The following TNRC18 variants were observed in gnomAD, a reference collection of about 807,000 sequenced individuals.
TNRC18 encodes trinucleotide repeat containing 18.
A neutral mutation model predicts 226.7 loss-of-function variants in TNRC18; 69 were observed. The ratio of observed to expected loss-of-function variants is 0.30; its 90% CI spans 0.25 to 0.37. TNRC18 has a LOEUF of 0.37. Ranked by LOEUF, TNRC18 falls within the 10% of genes least tolerant of loss-of-function variation. The pLI, the probability that TNRC18 is intolerant of heterozygous loss-of-function variation, is 1.00. For missense variants in TNRC18, 4,754 were observed against 4,256.6 expected (o/e 1.12, Z -3.25); for synonymous variants, 2,449 against 1,927.6 (o/e 1.27, Z -7.09).
intron 11 of TNRC18, 25 bp from the exon 12 acceptor site, chr7:5,362,850 G>A (rs1297698298): frequency 1.0e-5 from 15 of 1,479,832 alleles, no homozygotes; most frequent in African/African-American, 1.4e-5. Context: ...TAGGTAACAG[G>A]GCGCTGCTGC....
chr7:5,318,980 A>G lies in TNRC18; in HGVS notation c.6745+1338T>C, dbSNP rs1331309256. ...ACAAGGAACTGAACCAAAAAAGAGA[A>G]AAACATGCAACGCAACAAAAGCGGT... On this transcript the variant is annotated intron_variant, in intron 24 of 29. Coordinates refer to ENST00000430969, the MANE Select transcript of TNRC18 (RefSeq NM_001080495.3). 3.7e-4 allele frequency among the ~76,000 whole-genome samples: 56 copies of G among 152,226 alleles called. 1 individual carries two copies. Among genetic ancestry groups the G allele is most frequent in the Non-Finnish European group, 2.9e-5 (2 of 68,048 alleles).
intron 11 of TNRC18, among the ~76,000 whole-genome samples, chr7:5,370,131 C>A (rs1022292546): frequency 2.0e-5 from 3 of 151,936 alleles, no homozygotes; most frequent in Non-Finnish European, 4.4e-5. Flanking sequence ...GACTGGGCAA[C>A]AGAGCAAGAC....
At position 5,362,704 on chromosome 7, in the gene TNRC18, C is replaced by A. The variant is rs372961432; in HGVS notation, c.4341G>T (p.Pro1447=). 1.1e-5 allele frequency: 18 copies of A among 1,583,124 alleles called. No individual in the cohort carries two copies. The highest frequency in any genetic ancestry group is 1.8e-5 in the Admixed American group (1 of 55,238). Residue 1447 remains proline (P), a synonymous_variant, in exon 12 of 30, where the codon CCG becomes CCT. Coordinates refer to ENST00000430969, the MANE Select transcript of TNRC18 (RefSeq NM_001080495.3). ...ACTTCTTGTTGGGCTTCAGCTCCCG[C>A]GGGAGCCGCAGGTTCTTGAGTGGGT... ...VVDPLKNLRL[P]RELKPNKKYS...
At chr7:5,408,385 C>T (rs749507533) in intron 2 of TNRC18, among the ~76,000 whole-genome samples, 1 of 151,792 alleles carries the variant, frequency 6.6e-6, no homozygotes, top group Non-Finnish European at 1.5e-5. Context: ...GCATAGCTCA[C>T]GCCTGTAATC....
intron 2 of TNRC18, among the ~76,000 whole-genome samples, chr7:5,399,041 C>A (rs994350369): frequency 3.3e-5 from 5 of 152,204 alleles, no homozygotes; most frequent in African/African-American, 1.2e-4. Context: ...CCCGAAGAAG[C>A]ACAGCCCATG....
intron 8 of TNRC18, 102 bp from the exon 9 acceptor site, chr7:5,376,326 G>T: frequency 3.7e-6 from 4 of 1,079,426 alleles, no homozygotes; most frequent in East Asian, 5.7e-5. Flanking sequence ...CACCCACACA[G>T]TGGGGAGCTG....
At chr7:5,334,461 A>T (rs1296126526) in intron 18 of TNRC18, among the ~76,000 whole-genome samples, 54 of 140,234 alleles carry the variant, frequency 3.9e-4, no homozygotes, top group Non-Finnish European at 1.1e-4. Context: ...CACGCCTGGC[A>T]TTTTTTTTTT....
Position 5,370,520 on chromosome 7 carries a change from G to A in TNRC18, c.4074C>T (p.Pro1358=), listed in dbSNP as rs1042807351. The A allele has an allele frequency of 6.2e-6, 10 of 1,600,878 alleles. No homozygotes were observed. The highest frequency in any genetic ancestry group is 1.7e-5 in the Admixed American group (1 of 57,702). Residue 1358 remains proline (P), a synonymous_variant, in exon 11 of 30, where the codon CCC becomes CCT. Transcript: ENST00000430969. ...AAELPQARPL[P]SPGAAGAQAL... is the part of the protein sequence containing the mutation. ...CCTGGGCTCCAGCAGCACCCGGGGA[G>A]GGCAGAGGCCTGGCCTGGGGCAGCT... is the stretch of plus-strand genomic sequence containing the variant.
chr7:5,311,249 G>A (rs1380105397), intron 27 of TNRC18, among the ~76,000 whole-genome samples: 1 of 152,270 alleles, frequency 6.6e-6, no homozygotes, highest in Non-Finnish European at 1.5e-5. Context: ...GCAAGTGTGT[G>A]TGCGTGTGTG....
At chr7:5,325,768 G>A (rs1168554663) in intron 19 of TNRC18, among the ~76,000 whole-genome samples, 6 of 113,806 alleles carry the variant, frequency 5.3e-5, no homozygotes, top group Non-Finnish European at 8.2e-5. Flanking sequence ...ACAAGGTCTC[G>A]CTCTGTTGCC....
intron 21 of TNRC18, 138 bp from the exon 22 acceptor site, chr7:5,321,328 ACTT>A (rs1464411547): frequency 4.9e-6 from 3 of 610,892 alleles, no homozygotes; most frequent in Non-Finnish European, 8.8e-6. Flanking sequence ...AGACGTGTGC[ACTT>A]CTTCGTCTGC....
Position 5,351,894 on chromosome 7 carries a change from G to T in TNRC18, c.5395C>A (p.Pro1799Thr). 5.0e-6 allele frequency: 8 copies of T among 1,613,568 alleles called. No individual in the cohort carries two copies. Among genetic ancestry groups the T allele is most frequent in the Non-Finnish European group, 6.8e-6 (8 of 1,179,764 alleles). ...GCCTCTCGAAGCAGCAGACAAAACG[G>T]CTGCTTCCTGCTGGTGGCCGGCTTG... ...KPKPATSRKQ[P>T]FCLLLREAEA... Residue 1799 changes from proline to threonine, a missense_variant, in exon 17 of 30, where the codon CCG (proline) becomes ACG (threonine). By Grantham distance (38) the Pro-to-Thr change is conservative. Transcript: ENST00000430969.
chr7:5,371,429 C>T, intron 10 of TNRC18, 65 bp from the exon 11 acceptor site: 1 of 1,437,454 alleles, frequency 7.0e-7, no homozygotes, highest in East Asian at 2.4e-5. Flanking sequence ...CCCACTGACA[C>T]CCGCCCACCA....
chr7:5,312,581 C>G lies in TNRC18; in HGVS notation c.8310G>C (p.Pro2770=), dbSNP rs371939156. The G allele has an allele frequency of 1.2e-6, 2 of 1,611,070 alleles. No homozygotes were observed. Among genetic ancestry groups the G allele is most frequent in the South Asian group, 2.2e-5 (2 of 90,974 alleles). Residue 2770 remains proline, a synonymous_variant, in exon 27 of 30, where the codon CCG becomes CCC. Transcript: ENST00000430969. The surrounding 1 kb of genome is among the most constrained non-coding windows in gnomAD (Gnocchi z 6.3). Reference sequence around the variant, plus strand: ...CGATCTTGGGCCGGTTCTCCACGGACGGCAGGCGCTGCCGCTTGGCCAGCT... The same window carrying G: ...CGATCTTGGGCCGGTTCTCCACGGAGGGCAGGCGCTGCCGCTTGGCCAGCT... The part of the protein sequence containing the change: ...TKELAKRQRL[P]SVENRPKIAA...
intron 5 of TNRC18, among the ~76,000 whole-genome samples, chr7:5,380,508 G>A (rs1041413404): frequency 4.6e-5 from 7 of 152,240 alleles, no homozygotes; most frequent in Non-Finnish European, 1.0e-4. Flanking sequence ...GAGGGGCACA[G>A]CCATGCCGGC....
rs1431654846 is a variant in TNRC18 at position 5,374,082 on chromosome 7, G to T, written c.3202C>A (p.Pro1068Thr). Residue 1068 changes from proline (P) to threonine (T), a missense_variant, in exon 10 of 30, where the codon CCC becomes ACC. Physicochemically the swap from Pro to Thr is conservative, Grantham distance 38 (BLOSUM62 -1). Transcript: ENST00000430969. ...GAGAACAGGGCCTGGAAGGGGCTGGGGGCTTCCTTCTCCAACTCCAAGTCT... is the reference window on the plus strand; with the variant it reads ...GAGAACAGGGCCTGGAAGGGGCTGGTGGCTTCCTTCTCCAACTCCAAGTCT... ...KKDLELEKEA[P>T]SPFQALFSDI... 3.2e-6 allele frequency: 5 copies of T among 1,581,354 alleles called. No homozygotes were observed. Among genetic ancestry groups the T allele is most frequent in the African/African-American group, 2.8e-5 (2 of 71,870 alleles).
Position 5,376,516 on chromosome 7 carries a change from G to C in TNRC18, c.2609-292C>G, listed in dbSNP as rs571335195. Among the ~76,000 whole-genome samples the C allele has an allele frequency of 2.6e-5, 4 of 152,318 alleles. No individual in the cohort carries two copies. The East Asian group carries it at 7.7e-4, about 29-fold the overall frequency. On this transcript the variant is annotated intron_variant, in intron 8 of 29. Transcript: ENST00000430969. ...CAGACACGTACGAGGACCACTGTGA[G>C]GACCTAGGGAACGCCTTCTCCCACC...
intron 19 of TNRC18, among the ~76,000 whole-genome samples, chr7:5,330,562 A>C (rs1185759832): frequency 4.6e-5 from 7 of 151,958 alleles, no homozygotes; most frequent in Non-Finnish European, 1.0e-4. Context: ...TATGTGAGCC[A>C]CCTATAGAGA....
chr7:5,357,195 G>C lies in TNRC18; in HGVS notation c.4915C>G (p.Gln1639Glu). ...TTGAAGGGCGACTTCAACTTGTCCT[G>C]CTTGGTGAGGGAGAGGGCCTTGTCG... ...KLDKALSLTK[Q>E]DKLKSPFKFS... Residue 1639 changes from glutamine (Q) to glutamate (E), a missense_variant, in exon 16 of 30, where the codon CAG (glutamine) becomes GAG (glutamate). Transcript: ENST00000430969. 2 of 1,611,210 alleles carry C rather than the reference G, an allele frequency of 1.2e-6. No homozygotes were observed.
Sources: gnomAD v4.1 joint callset for allele counts (sites outside exome capture counted in the v4.1 genomes callset) on GRCh38, gnomAD v4.1.1 for gene constraint, Gnocchi (gnomAD v3.1) non-coding constraint, MANE v1.5 for transcripts, NCBI Gene and HGNC (gene_info 2026-07-23, HGNC 2026-07-21) for gene names.